PTPRN2: variants seen among roughly 807,000 people sequenced by gnomAD.
PTPRN2 encodes the protein protein tyrosine phosphatase receptor type N2.
Under a neutral mutation model 118.8 loss-of-function variants are expected in PTPRN2, and 74 were observed. That is an observed-to-expected ratio of 0.62 (90% confidence interval 0.52 to 0.76). PTPRN2 has a LOEUF of 0.76. Among genes scored for constraint, PTPRN2 ranks in the 30% least tolerant of loss-of-function variants. The pLI, the probability that PTPRN2 is intolerant of heterozygous loss-of-function variation, is 0.00. For synonymous variants in PTPRN2, 641 were observed against 608.0 expected (o/e 1.05, Z -0.80); for missense variants, 1,481 against 1,394.4 (o/e 1.06, Z -0.99).
chr7:158,011,286 C>T (rs1806028690), intron 11 of PTPRN2, among the ~76,000 whole-genome samples: 1 of 152,204 alleles, frequency 6.6e-6, no homozygotes, highest in African/African-American at 2.4e-5. Context: ...AAAGAGCATG[C>T]CAGAGTCTAT....
intron 11 of PTPRN2, among the ~76,000 whole-genome samples, chr7:157,984,248 CCTCCCCACGCCAGGCTCCA>C (rs1803546028): frequency 2.0e-4 from 26 of 127,556 alleles, no homozygotes; most frequent in Non-Finnish European, 2.5e-4. Context: ...CCAGGCTCCA[CCTCCCCACGCCAGGCTCCA>C]CCCCCCACGC....
intron 2 of PTPRN2, among the ~76,000 whole-genome samples, chr7:158,325,004 G>A (rs149471993): frequency 5.2e-4 from 79 of 151,440 alleles, no homozygotes; most frequent in African/African-American, 1.8e-3. Context: ...CACTCACTGC[G>A]TTACCCCACA....
chr7:157,542,480 T>C (rs1798058577), intron 22 of PTPRN2, among the ~76,000 whole-genome samples: 1 of 150,680 alleles, frequency 6.6e-6, no homozygotes, highest in Admixed American at 6.6e-5. Flanking sequence ...CATCATGCAG[T>C]GGAGGCTGGA....
intron 2 of PTPRN2, among the ~76,000 whole-genome samples, chr7:158,337,351 T>C (rs552623879): frequency 6.2e-5 from 5 of 80,734 alleles, no homozygotes; most frequent in Admixed American, 1.3e-4. Context: ...AGGTGACACC[T>C]GCAGACGTCC....
chr7:158,259,113 C>T (rs1797223174), intron 3 of PTPRN2, among the ~76,000 whole-genome samples: 1 of 152,176 alleles, frequency 6.6e-6, no homozygotes, highest in African/African-American at 2.4e-5. Context: ...ATGCTGCAAA[C>T]GTCTCTTGAG....
chr7:157,821,981 C>T (rs991549781), intron 12 of PTPRN2, among the ~76,000 whole-genome samples: 1 of 151,890 alleles, frequency 6.6e-6, no homozygotes, highest in African/African-American at 2.4e-5. Flanking sequence ...CATCTGTACA[C>T]TATCCATCAT....
intron 3 of PTPRN2, among the ~76,000 whole-genome samples, chr7:158,296,521 G>T (rs1468117057): frequency 6.6e-6 from 1 of 152,210 alleles, no homozygotes; most frequent in Non-Finnish European, 1.5e-5. Context: ...AAGGCAGAGG[G>T]TCTAATTGAG....
At chr7:158,575,242 G>A (rs1024401328) in intron 1 of PTPRN2, among the ~76,000 whole-genome samples, 2 of 151,818 alleles carry the variant, frequency 1.3e-5, no homozygotes, top group African/African-American at 4.8e-5. Context: ...TTTTTTCATA[G>A]TGCTTGACTT....
chr7:157,964,143 C>T lies in PTPRN2; in HGVS notation c.1724-65406G>A, dbSNP rs1180480036. 6.6e-6 allele frequency among the ~76,000 whole-genome samples: 1 copy of T among 152,178 alleles called. No homozygotes were observed. The highest frequency in any genetic ancestry group is 1.5e-5 in the Non-Finnish European group (1 of 68,032). ...CTCCCTCTGTGTGGGACCCCCGTTC[C>T]CACTGGCACACCATGGGGACAGCTG... On this transcript the variant is annotated intron_variant, in intron 11 of 22. Transcript: ENST00000389418. The surrounding 1 kb of genome is among the most constrained non-coding windows in gnomAD (Gnocchi z 9.0).
At position 157,682,711 on chromosome 7, in the gene PTPRN2, A is replaced by G. The variant is rs770545271; in HGVS notation, c.2001+14T>C. 1.9e-5 allele frequency: 31 copies of G among 1,606,388 alleles called. No homozygotes were observed. Among genetic ancestry groups the G allele is most frequent in the Non-Finnish European group, 2.6e-5 (30 of 1,174,198 alleles). On this transcript the variant is annotated intron_variant, in intron 13 of 22. Coordinates refer to ENST00000389418, the MANE Select transcript of PTPRN2 (RefSeq NM_002847.5). ...TAAATCCGATATACCACTTTTTAAA[A>G]AGTCTCCTCTTACCTGGTAGGCGGC...
At chr7:158,528,353 CCACT>C (rs1348699544) in intron 1 of PTPRN2, among the ~76,000 whole-genome samples, 5 of 152,188 alleles carry the variant, frequency 3.3e-5, no homozygotes, top group African/African-American at 7.2e-5. Flanking sequence ...CCAAAACAGG[CCACT>C]CAATCACTCC....
chr7:157,897,340 G>A (rs931301977), intron 12 of PTPRN2, among the ~76,000 whole-genome samples: 3 of 152,056 alleles, frequency 2.0e-5, no homozygotes, highest in Non-Finnish European at 4.4e-5. Context: ...TGGCCCCTCC[G>A]CATCGGTCAC....
chr7:158,430,335 C>G lies in PTPRN2; in HGVS notation c.163+59400G>C, dbSNP rs549022438. Reference sequence around the variant, plus strand: ...GGATGAGGTGAGGGAGAGCAGCCTGCTGGCGCTCACAGGCTGAGGGGCCTG... The same window carrying G: ...GGATGAGGTGAGGGAGAGCAGCCTGGTGGCGCTCACAGGCTGAGGGGCCTG... On this transcript the variant is annotated intron_variant, in intron 2 of 22. Transcript: ENST00000389418. Among the ~76,000 whole-genome samples, 3 of 152,360 alleles carry G rather than the reference C, an allele frequency of 2.0e-5. No homozygotes were observed. The South Asian group carries it at 6.2e-4, about 32-fold the overall frequency.
intron 21 of PTPRN2, among the ~76,000 whole-genome samples, chr7:157,559,384 G>C (rs6943908): frequency 6.6e-6 from 1 of 152,156 alleles, no homozygotes; most frequent in Admixed American, 6.5e-5. Context: ...CCCTCCACAT[G>C]GGCCCCTGGA....
In PTPRN2 at chr7:157,872,562, C is replaced by A. The variant is rs993594146; in HGVS notation, c.1788+26111G>T. The stretch of plus-strand genomic sequence containing the variant: ...TACCCAGTGCCTTCCCACGCTATGT[C>A]CTCACAGCTGTTTCCCCTACCCAAT... On this transcript the variant is annotated intron_variant, in intron 12 of 22. Transcript: ENST00000389418. Among the ~76,000 whole-genome samples the A allele has an allele frequency of 2.0e-5, 3 of 152,378 alleles. No homozygotes were observed. In the East Asian group the frequency reaches 5.8e-4, roughly 29 times the overall value.
chr7:158,112,669 G>A (rs1816381144), intron 9 of PTPRN2, among the ~76,000 whole-genome samples: 2 of 152,214 alleles, frequency 1.3e-5, no homozygotes, highest in Non-Finnish European at 1.5e-5. Flanking sequence ...ACCCCAGCAG[G>A]GCGTCCAGGC....
chr7:157,646,768 G>T (rs1267157336), intron 14 of PTPRN2, among the ~76,000 whole-genome samples: 1 of 152,334 alleles, frequency 6.6e-6, no homozygotes, highest in Non-Finnish European at 1.5e-5. Context: ...AAGCAAGTTA[G>T]GGTGTGAGGA....
intron 14 of PTPRN2, among the ~76,000 whole-genome samples, chr7:157,635,020 C>T (rs1228363075): frequency 2.6e-5 from 4 of 152,188 alleles, no homozygotes; most frequent in African/African-American, 4.8e-5. Flanking sequence ...ACGTGAAGGA[C>T]GGCACACTGG....
At chr7:158,275,141 C>A (rs534292489) in intron 3 of PTPRN2, among the ~76,000 whole-genome samples, 3 of 152,322 alleles carry the variant, frequency 2.0e-5, no homozygotes, top group African/African-American at 7.2e-5. Flanking sequence ...CGGGGAAGAG[C>A]TCAAGCCAGT....
Sources: gnomAD v4.1 joint callset for allele counts (sites outside exome capture counted in the v4.1 genomes callset) on GRCh38, gnomAD v4.1.1 for gene constraint, Gnocchi (gnomAD v3.1) non-coding constraint, MANE v1.5 for transcripts, NCBI Gene and HGNC (gene_info 2026-07-23, HGNC 2026-07-21) for gene names.